Variants in CALCRL observed in about 807,000 individuals in gnomAD.
CALCRL encodes calcitonin gene-related peptide type 1 receptor.
In CALCRL, 27 loss-of-function variants were observed where a neutral mutation model predicts 60.4. The ratio of observed to expected loss-of-function variants is 0.45; its 90% CI spans 0.33 to 0.62. CALCRL has a LOEUF of 0.62. Among genes scored for constraint, CALCRL ranks in the 20% least tolerant of loss-of-function variants. The probability of loss-of-function intolerance (pLI) is 0.03; values close to 1 mark genes in which losing one functional copy is unlikely to be tolerated. For synonymous variants in CALCRL, 190 were observed against 182.6 expected (o/e 1.04, Z -0.33); for missense variants, 424 against 540.7 (o/e 0.78, Z 2.14).
intron 14 of CALCRL, among the ~76,000 whole-genome samples, chr2:187,350,816 T>C (rs377477270): frequency 6.6e-6 from 1 of 151,748 alleles, no homozygotes; most frequent in Non-Finnish European, 1.5e-5. Context: ...AGCTTTATGA[T>C]AAGCTTCACA....
At chr2:187,424,178 A>G (rs947694200) in intron 1 of CALCRL, among the ~76,000 whole-genome samples, 4 of 152,068 alleles carry the variant, frequency 2.6e-5, no homozygotes, top group Non-Finnish European at 5.9e-5. Flanking sequence ...TGAGTTAACT[A>G]ATGGTTGGCA....
intron 1 of CALCRL, among the ~76,000 whole-genome samples, chr2:187,407,972 ACT>A (rs1182560245): frequency 2.0e-5 from 3 of 151,770 alleles, no homozygotes; most frequent in African/African-American, 7.3e-5. Context: ...CACTAAGCAA[ACT>A]CTACATAGTT....
In CALCRL at chr2:187,347,937, C is replaced by G. The variant is rs182126358; in HGVS notation, c.1171-1538G>C. On this transcript the variant is annotated intron_variant, in intron 14 of 14. Transcript: ENST00000392370. ...TTATATAATTAAAATGAAATAACTT[C>G]GTATTGAAAGTTACATTATGATGAA... is the stretch of plus-strand genomic sequence containing the variant. Among the ~76,000 whole-genome samples the G allele has an allele frequency of 1.2e-3, 175 of 151,764 alleles. 1 individual carries two copies. The highest frequency in any genetic ancestry group is 9.4e-4 in the Non-Finnish European group (64 of 67,766).
chr2:187,360,228 G>A (rs116128989), intron 10 of CALCRL, among the ~76,000 whole-genome samples: 2,175 of 152,074 alleles, frequency 0.014, 22 homozygotes, highest in Non-Finnish European at 0.023. Context: ...AAAGATGTTT[G>A]AACCCAATGC....
intron 12 of CALCRL, among the ~76,000 whole-genome samples, chr2:187,354,745 G>T (rs1686697422): frequency 1.3e-5 from 2 of 152,008 alleles, no homozygotes. Context: ...AGCTTGATGG[G>T]CTATATTCCT....
chr2:187,435,654 C>A (rs1690604351), intron 1 of CALCRL, among the ~76,000 whole-genome samples: 1 of 152,024 alleles, frequency 6.6e-6, no homozygotes, highest in African/African-American at 2.4e-5. Context: ...ATCTATGTAT[C>A]AAAATATATG....
chr2:187,388,019 G>A (rs892975503), intron 1 of CALCRL, among the ~76,000 whole-genome samples: 3 of 151,916 alleles, frequency 2.0e-5, no homozygotes, highest in Admixed American at 6.6e-5. Flanking sequence ...TTTTCTATGA[G>A]TAAATAATTT....
rs745861945 is a variant in CALCRL, at chr2:187,380,793, TG to T, written c.185-7del. On this transcript the variant is annotated splice_polypyrimidine_tract_variant and splice_region_variant and intron_variant, in intron 5 of 14. Coordinates refer to ENST00000392370, the MANE Select transcript of CALCRL (RefSeq NM_005795.6). Reference sequence around the variant, plus strand: ...GGTTCTGTTGCAGTAAACGCCTTAGTGGGGAAATAATAATTGGGGATAATTA... The same window carrying T: ...GGTTCTGTTGCAGTAAACGCCTTAGTGGGAAATAATAATTGGGGATAATTA... 2 of 1,605,018 alleles carry T rather than the reference TG, an allele frequency of 1.2e-6. No homozygotes were observed. The highest frequency in any genetic ancestry group is 2.2e-5 in the South Asian group (2 of 90,754).
At position 187,385,605 on chromosome 2, in the gene CALCRL, A is replaced by G. The variant is rs748203431; in HGVS notation, c.-10T>C. 3.9e-6 allele frequency: 6 copies of G among 1,555,766 alleles called. No individual in the cohort carries two copies. The East Asian group carries it at 1.1e-4, about 29-fold the overall frequency. On this transcript the variant is annotated 5_prime_UTR_variant, in exon 4 of 15. Coordinates refer to ENST00000392370, the MANE Select transcript of CALCRL (RefSeq NM_005795.6). ...TACACTTTTTCTCCATCATTAAGCC[A>G]AAATGAAATATGCTGTATAACATAA... is the stretch of plus-strand genomic sequence containing the variant.
chr2:187,385,567 A>G lies in CALCRL; in HGVS notation c.29T>C (p.Leu10Pro). The change falls in exon 4 of 15, where the codon CTG (leucine) becomes CCG (proline). Residue 10 changes from leucine (L) to proline (P), a missense_variant. Coordinates refer to ENST00000392370, the MANE Select transcript of CALCRL (RefSeq NM_005795.6). Reference sequence around the variant, plus strand: ...TACCATAAAAAAAGGCAAGAGAACCAGAAAATACAGGGTACACTTTTTCTC... The same window carrying G: ...TACCATAAAAAAAGGCAAGAGAACCGGAAAATACAGGGTACACTTTTTCTC... MEKKCTLYF[L>P]VLLPFFMILV... 2 of 1,553,352 alleles carry G rather than the reference A, an allele frequency of 1.3e-6. No homozygotes were observed. The highest frequency in any genetic ancestry group is 1.8e-6 in the Non-Finnish European group (2 of 1,132,370).
At chr2:187,429,822 C>CTT (rs1426454592) in intron 1 of CALCRL, among the ~76,000 whole-genome samples, 6 of 152,066 alleles carry the variant, frequency 3.9e-5, no homozygotes, top group Admixed American at 1.3e-4. Context: ...AAACTTGGAC[C>CTT]TTTCATTATC....
intron 5 of CALCRL, among the ~76,000 whole-genome samples, 186 bp from the exon 6 acceptor site, chr2:187,380,973 A>G (rs1687962544): frequency 1.4e-5 from 2 of 146,814 alleles, no homozygotes; most frequent in African/African-American, 4.9e-5. Context: ...TAATTTCTCA[A>G]TTAAATTCTA....
Position 187,363,479 on chromosome 2 carries a change from GTAATCC to G in CALCRL, c.518_523del (p.Arg173_Ile174del). On this transcript the variant is annotated inframe_deletion, in exon 9 of 15. Coordinates refer to ENST00000392370, the MANE Select transcript of CALCRL (RefSeq NM_005795.6). ...TGAGAAGAACAGATTTTTGTGTAAG[GTAATCC>G]TTTGGCAACTTAGGCTCCTAAAAAG... 6.2e-7 allele frequency: 1 copy of G among 1,601,900 alleles called. No homozygotes were observed.
intron 1 of CALCRL, among the ~76,000 whole-genome samples, chr2:187,430,481 A>C (rs1690352255): frequency 6.6e-6 from 1 of 152,318 alleles, no homozygotes; most frequent in Middle Eastern, 3.4e-3. Context: ...TTAATTTTGT[A>C]GGAAAGGCAG....
chr2:187,372,616 A>C (rs1168307512), intron 8 of CALCRL, among the ~76,000 whole-genome samples: 3 of 152,134 alleles, frequency 2.0e-5, no homozygotes, highest in Non-Finnish European at 4.4e-5. Context: ...ACCCTAAATC[A>C]ACTTTTTGTA....
At chr2:187,433,859 T>A (rs745976775) in intron 1 of CALCRL, among the ~76,000 whole-genome samples, 20 of 152,174 alleles carry the variant, frequency 1.3e-4, no homozygotes, top group Non-Finnish European at 1.3e-4. Context: ...ATCAAGTGAA[T>A]TAAAAAATGA....
At chr2:187,443,649 A>G (rs1055445311) in intron 1 of CALCRL, among the ~76,000 whole-genome samples, 10 of 151,822 alleles carry the variant, frequency 6.6e-5, no homozygotes, top group Admixed American at 6.6e-4. Flanking sequence ...AGACATATGC[A>G]CATTGACTAA....
chr2:187,393,326 C>T (rs1688526226), intron 1 of CALCRL, among the ~76,000 whole-genome samples: 1 of 152,086 alleles, frequency 6.6e-6, no homozygotes, highest in Non-Finnish European at 1.5e-5. Flanking sequence ...AATATAAATA[C>T]TTCATCCTCA....
At chr2:187,434,716 G>C (rs1455531469) in intron 1 of CALCRL, among the ~76,000 whole-genome samples, 1 of 152,006 alleles carries the variant, frequency 6.6e-6, no homozygotes, top group Non-Finnish European at 1.5e-5. Context: ...TCCTCAGCAG[G>C]AAAAAGGATA....
Sources: gnomAD v4.1 joint callset for allele counts (sites outside exome capture counted in the v4.1 genomes callset) on GRCh38, gnomAD v4.1.1 for gene constraint, MANE v1.5 for transcripts, NCBI Gene and HGNC (gene_info 2026-07-23, HGNC 2026-07-21) for gene names.